ADGRD2: variants seen among roughly 807,000 people sequenced by gnomAD.
The protein encoded by ADGRD2 is adhesion G protein-coupled receptor D2, also known as G protein-coupled receptor PGR24.
ADGRD2 carries 71 observed loss-of-function variants against 44.4 expected under a neutral mutation model. The observed-to-expected ratio is 1.60, with a 90% CI of 1.32 to 1.95. ADGRD2 has a LOEUF of 1.95. Ranked by LOEUF, ADGRD2 falls within the 30% of genes most tolerant of loss-of-function variation. The probability of loss-of-function intolerance (pLI) is 0.00; values close to 1 mark genes in which losing one functional copy is unlikely to be tolerated. For synonymous variants in ADGRD2, 481 were observed against 224.8 expected (o/e 2.14, Z -10.19); for missense variants, 1,039 against 512.4 (o/e 2.03, Z -9.92).
intron 21 of ADGRD2, 86 bp downstream of exon 24, chr9:124,476,795 TC>T: frequency 1.5e-6 from 1 of 671,736 alleles, no homozygotes; most frequent in Non-Finnish European, 2.7e-6. Context: ...GGAAGTGATT[TC>T]AAATTAATAC....
intron 10 of ADGRD2, among the ~76,000 whole-genome samples, chr9:124,459,690 T>C (rs1339172994): frequency 6.6e-6 from 1 of 152,180 alleles, no homozygotes; most frequent in Non-Finnish European, 1.5e-5. Flanking sequence ...TTTTATTTCC[T>C]AAGCAAGACA....
At chr9:124,469,311 A>G (rs1406292931) in exon 15 of ADGRD2, 1 of 718,272 alleles carries the variant, frequency 1.4e-6, no homozygotes, top group South Asian at 1.5e-5. Context: ...TGTGCACACA[A>G]ATGCCATCTG....
intron 1 of ADGRD2, 84 bp from the exon 5 acceptor site, chr9:124,452,426 C>T (rs1225242760): frequency 1.4e-6 from 1 of 712,290 alleles, no homozygotes; most frequent in East Asian, 2.7e-5. Context: ...TGACTCCAAG[C>T]CCAGTGTCCT....
intron 13 of ADGRD2, 32 bp from the exon 17 acceptor site, chr9:124,468,487 G>A (rs377475878): frequency 2.2e-4 from 156 of 717,804 alleles, no homozygotes; most frequent in Non-Finnish European, 3.5e-4. Context: ...GTCTGACCTC[G>A]GACCTGGGTG....
At chr9:124,455,389 G>C (rs945338115) in intron 6 of ADGRD2, among the ~76,000 whole-genome samples, 31 of 152,124 alleles carry the variant, frequency 2.0e-4, no homozygotes, top group African/African-American at 7.0e-4. Flanking sequence ...TCAGGAGTTC[G>C]AGACTAGCCT....
At chr9:124,457,567 C>T in exon 8 of ADGRD2, 1 of 679,850 alleles carries the variant, frequency 1.5e-6, no homozygotes, top group Non-Finnish European at 2.7e-6. Context: ...CGGCCATATC[C>T]ACATTCCTGC....
chr9:124,464,028 T>G (rs1454681860), intron 10 of ADGRD2, among the ~76,000 whole-genome samples: 1 of 151,938 alleles, frequency 6.6e-6, no homozygotes, highest in African/African-American at 2.4e-5. Flanking sequence ...TTTTCAGAGA[T>G]AGGATCTCAC....
chr9:124,468,657 C>A (rs374268588), exon 14 of ADGRD2: 12 of 716,990 alleles, frequency 1.7e-5, no homozygotes, highest in African/African-American at 1.0e-4. Flanking sequence ...GCGGCTCTAC[C>A]ACGCCACAGG....
chr9:124,452,602 T>G (rs1350318888), exon 2 of ADGRD2: 1 of 718,392 alleles, frequency 1.4e-6, no homozygotes, highest in Non-Finnish European at 2.6e-6. Flanking sequence ...CCAAGAGTCC[T>G]GCGAGCAGCA....
intron 17 of ADGRD2, among the ~76,000 whole-genome samples, chr9:124,473,391 C>T (rs1831988173): frequency 6.6e-6 from 1 of 152,246 alleles, no homozygotes; most frequent in Admixed American, 6.5e-5. Flanking sequence ...GTTGTGAGGC[C>T]TGGAGAAGTG....
rs74861648 is a variant in ADGRD2, at chr9:124,475,951, G to A, written c.2845+336G>A. ...GGCCCAGGAAACTCTGCAGCCCTGC[G>A]GCTTGAGCAATGTCCTGTCACTCAT... On this transcript the variant is annotated intron_variant, in intron 19 of 21. Coordinates refer to ENST00000334810, the Ensembl canonical transcript of ADGRD2. Among the ~76,000 whole-genome samples, 1,245 of 152,294 alleles carry A rather than the reference G, an allele frequency of 8.2e-3. 51 individuals carry two copies. In the East Asian group the frequency reaches 0.15, roughly 18 times the overall value.
exon 11 of ADGRD2, chr9:124,466,400 T>C (rs1831824380): frequency 4.2e-6 from 3 of 715,792 alleles, no homozygotes; most frequent in Non-Finnish European, 5.2e-6. Context: ...CTGCTGCAAA[T>C]CTATGAAGTA....
At chr9:124,471,654 G>A (rs1398344790) in intron 17 of ADGRD2, among the ~76,000 whole-genome samples, 2 of 152,164 alleles carry the variant, frequency 1.3e-5, no homozygotes, top group Non-Finnish European at 2.9e-5. Context: ...TCAGCCACAG[G>A]GCATCCAGCT....
exon 13 of ADGRD2, chr9:124,468,092 C>T (rs1421080255): frequency 1.4e-6 from 1 of 718,526 alleles, no homozygotes; most frequent in Non-Finnish European, 2.6e-6. Context: ...CTCCAGGGTC[C>T]CCAAGTCAGA....
intron 10 of ADGRD2, among the ~76,000 whole-genome samples, chr9:124,462,136 T>C (rs551358373): frequency 1.3e-5 from 2 of 152,032 alleles, no homozygotes; most frequent in Non-Finnish European, 2.9e-5. Flanking sequence ...CGGCTCACTG[T>C]AGGTTCGACC....
At chr9:124,471,389 G>T (rs1831943093) in intron 17 of ADGRD2, among the ~76,000 whole-genome samples, 1 of 152,176 alleles carries the variant, frequency 6.6e-6, no homozygotes, top group Non-Finnish European at 1.5e-5. Flanking sequence ...GGCTCAGGAA[G>T]TCAGGTGCGA....
Position 124,454,651 on chromosome 9 carries a change from G to A in ADGRD2, c.1108+82G>A, listed in dbSNP as rs116097499. 4,153 of 679,972 alleles carry A rather than the reference G, an allele frequency of 6.1e-3. 113 individuals are homozygous for A. The African/African-American group carries it at 0.066, about 11-fold the overall frequency. 42.1% of individuals were successfully genotyped at this position (679,972 alleles called of 1,614,324 possible). ...ACCTCAGTTTCCTCCCTTGTAAAGGGGACACCCACCTGGTGTGTCTGCAGG... is the reference window on the plus strand; with the variant it reads ...ACCTCAGTTTCCTCCCTTGTAAAGGAGACACCCACCTGGTGTGTCTGCAGG... On this transcript the variant is annotated intron_variant, in intron 5 of 21. Transcript: ENST00000334810. This position sits in a 1 kb window ranked among gnomAD's most constrained non-coding sequence, Gnocchi z 4.5.
intron 10 of ADGRD2, among the ~76,000 whole-genome samples, chr9:124,460,139 A>G (rs1267007769): frequency 6.6e-6 from 1 of 151,504 alleles, no homozygotes; most frequent in Non-Finnish European, 1.5e-5. Flanking sequence ...TCTCTTGTAT[A>G]TATCGTCAGA....
intron 17 of ADGRD2, among the ~76,000 whole-genome samples, chr9:124,472,336 C>T (rs1361195836): frequency 6.6e-6 from 1 of 152,112 alleles, no homozygotes; most frequent in Non-Finnish European, 1.5e-5. Flanking sequence ...ACCCTCTGGC[C>T]ATGGATGTTT....
Sources: gnomAD v4.1 joint callset for allele counts (sites outside exome capture counted in the v4.1 genomes callset) on GRCh38, gnomAD v4.1.1 for gene constraint, Gnocchi (gnomAD v3.1) non-coding constraint, MANE v1.5 for transcripts, NCBI Gene and HGNC (gene_info 2026-07-23, HGNC 2026-07-21) for gene names.